The following ABL1 variants were observed in gnomAD, a reference collection of about 807,000 sequenced individuals.
ABL1 encodes the protein tyrosine-protein kinase ABL1.
In ABL1, 11 loss-of-function variants were observed where a neutral mutation model predicts 94.7. That is an observed-to-expected ratio of 0.12 (90% CI 0.07 to 0.19). The LOEUF is 0.19. Ranked by LOEUF, ABL1 falls within the 10% of genes least tolerant of loss-of-function variation. ABL1 has a pLI of 1.00. For missense variants in ABL1, 1,082 were observed against 1,489.4 expected (o/e 0.73, Z 4.50); for synonymous variants, 656 against 622.4 (o/e 1.05, Z -0.80).
chr9:130,801,117 A>G (rs1024666616), intron 1 of ABL1, among the ~76,000 whole-genome samples: 3 of 151,236 alleles, frequency 2.0e-5, no homozygotes, highest in Non-Finnish European at 1.5e-5. Flanking sequence ...TTTAGTAGAG[A>G]CGGGGTTTCA....
At chr9:130,754,479 G>T (rs2132735298) in intron 1 of ABL1, among the ~76,000 whole-genome samples, 1 of 137,492 alleles carries the variant, frequency 7.3e-6, no homozygotes, top group Non-Finnish European at 1.5e-5. Context: ...CTGCACTCCA[G>T]CCTGGGCGAC....
intron 1 of ABL1, among the ~76,000 whole-genome samples, chr9:130,822,573 C>T (rs1309166175): frequency 1.3e-5 from 2 of 150,252 alleles, no homozygotes; most frequent in Admixed American, 1.3e-4. Context: ...CAGGGGTTGT[C>T]TGTCTTTTGA....
At chr9:130,762,940 G>T (rs1832135479) in intron 1 of ABL1, among the ~76,000 whole-genome samples, 1 of 150,866 alleles carries the variant, frequency 6.6e-6, no homozygotes, top group Admixed American at 6.6e-5. Context: ...AAGGAAACCT[G>T]AATAGTCTTT....
intron 1 of ABL1, among the ~76,000 whole-genome samples, chr9:130,785,032 T>C (rs977459017): frequency 6.6e-6 from 1 of 152,222 alleles, no homozygotes; most frequent in East Asian, 1.9e-4. Context: ...GTGCTAGTTA[T>C]CAATTTCTTG....
chr9:130,882,207 G>C (rs971811260), intron 10 of ABL1, among the ~76,000 whole-genome samples: 1 of 152,104 alleles, frequency 6.6e-6, no homozygotes. Context: ...CAGCAGTCAT[G>C]TTCATTTACG....
At chr9:130,794,970 C>T (rs543145874) in intron 1 of ABL1, among the ~76,000 whole-genome samples, 1 of 152,196 alleles carries the variant, frequency 6.6e-6, no homozygotes, top group African/African-American at 2.4e-5. Context: ...TTTCTTCTTT[C>T]TGGTACCCTC....
chr9:130,838,216 T>C (rs1256980172), intron 1 of ABL1, among the ~76,000 whole-genome samples: 3 of 152,210 alleles, frequency 2.0e-5, no homozygotes, highest in Non-Finnish European at 4.4e-5. Context: ...TACTGGAATT[T>C]GAACTCATGC....
intron 1 of ABL1, among the ~76,000 whole-genome samples, chr9:130,757,561 C>G (rs539161306): frequency 2.1e-5 from 2 of 97,504 alleles, no homozygotes; most frequent in East Asian, 3.7e-4. Flanking sequence ...TTTTTTGAGA[C>G]AGAGTCTTGC....
intron 1 of ABL1, among the ~76,000 whole-genome samples, chr9:130,840,079 GCAGAAAA>G (rs893550676): frequency 2.6e-5 from 4 of 152,216 alleles, no homozygotes; most frequent in African/African-American, 4.8e-5. Context: ...CAAGAGCCTA[GCAGAAAA>G]GTAAGCTGTT....
At chr9:130,858,586 C>T (rs866421864) in intron 3 of ABL1, among the ~76,000 whole-genome samples, 5 of 152,092 alleles carry the variant, frequency 3.3e-5, no homozygotes, top group African/African-American at 9.7e-5. Context: ...TGGGTGGGAT[C>T]GTATCACTGG....
At chr9:130,851,251 G>A (rs1830856740) in intron 1 of ABL1, among the ~76,000 whole-genome samples, 1 of 152,152 alleles carries the variant, frequency 6.6e-6, no homozygotes, top group Admixed American at 6.5e-5. Flanking sequence ...GAGAAAGGGG[G>A]CCAAACATAT....
At chr9:130,867,036 CT>C (rs1831168814) in intron 4 of ABL1, among the ~76,000 whole-genome samples, 1 of 151,958 alleles carries the variant, frequency 6.6e-6, no homozygotes, top group Admixed American at 6.5e-5. Context: ...TCTTTTTTTT[CT>C]ATGAATCAGT....
intron 1 of ABL1, among the ~76,000 whole-genome samples, chr9:130,747,633 G>A (rs368057437): frequency 6.0e-4 from 91 of 152,118 alleles, no homozygotes; most frequent in African/African-American, 2.1e-3. Context: ...GGCTGGTCTC[G>A]AACTCCTGAC....
intron 7 of ABL1, 75 bp from the exon 8 acceptor site, chr9:130,878,340 G>C: frequency 6.4e-7 from 1 of 1,555,502 alleles, no homozygotes; most frequent in African/African-American, 1.4e-5. Flanking sequence ...CTGCTGCAAA[G>C]GTAACTGATT....
chr9:130,818,987 C>T (rs1830324458), intron 1 of ABL1, among the ~76,000 whole-genome samples: 1 of 152,154 alleles, frequency 6.6e-6, no homozygotes, highest in South Asian at 2.1e-4. Context: ...CTGGCCTTTG[C>T]AGTTCTTTCA....
At chr9:130,817,838 A>G (rs1277757777) in intron 1 of ABL1, among the ~76,000 whole-genome samples, 3 of 152,188 alleles carry the variant, frequency 2.0e-5, no homozygotes, top group Non-Finnish European at 4.4e-5. Flanking sequence ...TGATCCATCC[A>G]TCCACTGAAG....
intron 1 of ABL1, among the ~76,000 whole-genome samples, chr9:130,786,947 T>A (rs1164446675): frequency 6.6e-6 from 1 of 152,176 alleles, no homozygotes; most frequent in Admixed American, 6.5e-5. Context: ...TTTCTGTGAT[T>A]TCTTTTTGTA....
At position 130,870,804 on chromosome 9, in the gene ABL1, G is replaced by A. The variant is rs543834179; in HGVS notation, c.823-1325G>A. Among the ~76,000 whole-genome samples, 98 of 152,300 alleles carry A rather than the reference G, an allele frequency of 6.4e-4. No individual in the cohort carries two copies. In the South Asian group the frequency reaches 7.9e-3, roughly 12 times the overall value. ...AATTGTTTCCAAGTTTCAGCCTCACGGAGCCCTGAGCTAAGAGATAATGGG... is the reference window on the plus strand; with the variant it reads ...AATTGTTTCCAAGTTTCAGCCTCACAGAGCCCTGAGCTAAGAGATAATGGG... On this transcript the variant is annotated intron_variant, in intron 4 of 10. Coordinates refer to ENST00000318560, the MANE Select transcript of ABL1 (RefSeq NM_005157.6).
At chr9:130,839,327 G>A (rs1830634625) in intron 1 of ABL1, among the ~76,000 whole-genome samples, 2 of 152,138 alleles carry the variant, frequency 1.3e-5, no homozygotes. Context: ...ATACAGATAC[G>A]CTTTTAGAAC....
Sources: allele counts gnomAD v4.1 joint callset (sites outside exome capture counted in the v4.1 genomes callset), GRCh38; gene constraint gnomAD v4.1.1; transcripts MANE v1.5; gene names NCBI Gene and HGNC (gene_info 2026-07-23, HGNC 2026-07-21).